The following CAVIN4 variants were observed in gnomAD, a reference collection of about 807,000 sequenced individuals.
The protein encoded by CAVIN4 is caveolae-associated protein 4.
Under a neutral mutation model 18.6 loss-of-function variants are expected in CAVIN4, and 10 were observed. The ratio of observed to expected loss-of-function variants is 0.54; its 90% CI spans 0.33 to 0.91. The LOEUF (loss-of-function observed/expected upper bound fraction) is 0.91. Ranked by LOEUF, CAVIN4 falls within the 40% of genes least tolerant of loss-of-function variation. CAVIN4 has a pLI of 0.02. For synonymous variants in CAVIN4, 173 were observed against 164.8 expected, an observed-to-expected ratio of 1.05 and a Z score of -0.38; for missense variants, 459 against 440.5, an observed-to-expected ratio of 1.04 and a Z score of -0.38.
chr9:100,579,218 G>A (rs1839403336), intron 1 of CAVIN4, among the ~76,000 whole-genome samples: 1 of 152,054 alleles, frequency 6.6e-6, no homozygotes, highest in African/African-American at 2.4e-5. Context: ...TTTGTGTGTG[G>A]CATTGTGTAT....
chr9:100,579,637 T>C (rs1337478166), intron 1 of CAVIN4, among the ~76,000 whole-genome samples: 2 of 152,230 alleles, frequency 1.3e-5, no homozygotes, highest in Non-Finnish European at 2.9e-5. Flanking sequence ...GAATTTGTTC[T>C]ATGCATAAAA....
intron 1 of CAVIN4, among the ~76,000 whole-genome samples, chr9:100,581,678 G>A (rs1839428934): frequency 1.3e-5 from 2 of 152,108 alleles, no homozygotes; most frequent in South Asian, 4.1e-4. Flanking sequence ...ATTATTTGTT[G>A]TGTACTTAAA....
chr9:100,588,220 T>C lies in CAVIN4; in HGVS notation c.*1769T>C, dbSNP rs948416714. 1.3e-5 allele frequency among the ~76,000 whole-genome samples: 2 copies of C among 152,260 alleles called. No homozygotes were observed. The highest frequency in any genetic ancestry group is 2.9e-5 in the Non-Finnish European group (2 of 68,054). On this transcript the variant is annotated 3_prime_UTR_variant, in exon 2 of 2. Transcript: ENST00000307584. ...CACCTTGCATGAATACATGAAATCATAATATCGTTCATGTTGTTACCTTTT... is the reference window on the plus strand; with the variant it reads ...CACCTTGCATGAATACATGAAATCACAATATCGTTCATGTTGTTACCTTTT...
chr9:100,583,406 G>C (rs926713781), intron 1 of CAVIN4, among the ~76,000 whole-genome samples: 4 of 152,096 alleles, frequency 2.6e-5, no homozygotes, highest in Non-Finnish European at 4.4e-5. Flanking sequence ...AAATCTAGTG[G>C]CAAATCTTGT....
At chr9:100,582,622 T>G (rs975085292) in intron 1 of CAVIN4, among the ~76,000 whole-genome samples, 2 of 152,144 alleles carry the variant, frequency 1.3e-5, no homozygotes, top group Non-Finnish European at 2.9e-5. Context: ...CATGAGCCAC[T>G]GCACCCAGCC....
rs1217900347 is a variant in CAVIN4, at chr9:100,578,358, T to C, written c.215T>C (p.Leu72Pro). Residue 72 changes from leucine to proline, a missense_variant, in exon 1 of 2, where the codon CTG (leucine) becomes CCG (proline). By Grantham distance (98) the Leu-to-Pro change is moderately conservative. Coordinates refer to ENST00000307584, the MANE Select transcript of CAVIN4 (RefSeq NM_001018116.2). ...ENAIKSVQIDLLKLSQSHSNT... is the reference protein window; with the variant it reads ...ENAIKSVQIDPLKLSQSHSNT... ...GCCATAAAATCCGTCCAGATTGACC[T>C]GTTGAAGCTTTCACAGTCGCATAGC... 1.2e-6 allele frequency: 2 copies of C among 1,614,124 alleles called. No homozygotes were observed. The highest frequency in any genetic ancestry group is 1.1e-5 in the South Asian group (1 of 91,080).
At chr9:100,582,721 T>G (rs79997284) in intron 1 of CAVIN4, among the ~76,000 whole-genome samples, 11,401 of 152,248 alleles carry the variant, frequency 0.075, 505 homozygotes, top group South Asian at 0.14. Context: ...GGCTGATATC[T>G]GTCCTTTTTT....
upstream of CAVIN4, chr9:100,577,692 AT>A (rs1456670458): frequency 6.5e-6 from 1 of 153,986 alleles, no homozygotes; most frequent in Non-Finnish European, 1.4e-5. Flanking sequence ...GTGTTTCAGT[AT>A]ATTTAATATG....
chr9:100,583,052 A>T (rs929867751), intron 1 of CAVIN4, among the ~76,000 whole-genome samples: 2 of 152,204 alleles, frequency 1.3e-5, no homozygotes, highest in Non-Finnish European at 1.5e-5. Flanking sequence ...GTGCCAAGGA[A>T]TTCTGAGTAA....
chr9:100,578,552 G>T lies in CAVIN4; in HGVS notation c.408+1G>T, dbSNP rs200457015. On this transcript the variant is annotated splice_donor_variant, in intron 1 of 1. Coordinates refer to ENST00000307584, the MANE Select transcript of CAVIN4 (RefSeq NM_001018116.2). LOFTEE classifies it high-confidence loss of function. Reference sequence around the variant, plus strand: ...CAAATTCCGCGTGGTAATATTCCAGGTAAGCTTGCACTTGTGTTCAGCTTG... The same window carrying T: ...CAAATTCCGCGTGGTAATATTCCAGTTAAGCTTGCACTTGTGTTCAGCTTG... 76 of 1,612,646 alleles carry T rather than the reference G, an allele frequency of 4.7e-5. No individual in the cohort carries two copies. Among genetic ancestry groups the T allele is most frequent in the Non-Finnish European group, 6.2e-5 (73 of 1,179,862 alleles).
At position 100,586,622 on chromosome 9, in the gene CAVIN4, G is replaced by A. The variant is rs987108974; in HGVS notation, c.*171G>A. The A allele has an allele frequency of 1.7e-5, 8 of 484,560 alleles. No individual in the cohort carries two copies. Among genetic ancestry groups the A allele is most frequent in the African/African-American group, 1.6e-4 (8 of 50,188 alleles). 30.0% of individuals were successfully genotyped at this position (484,560 alleles called of 1,614,324 possible). On this transcript the variant is annotated 3_prime_UTR_variant, in exon 2 of 2. Coordinates refer to ENST00000307584, the MANE Select transcript of CAVIN4 (RefSeq NM_001018116.2). Reference sequence around the variant, plus strand: ...ATTATTATCACTCTTTCTCATGGCAGCTGTGGATTTTTTAGTTCCTTTCTC... The same window carrying A: ...ATTATTATCACTCTTTCTCATGGCAACTGTGGATTTTTTAGTTCCTTTCTC...
upstream of CAVIN4, chr9:100,578,014 C>G: frequency 3.7e-6 from 3 of 812,054 alleles, no homozygotes; most frequent in South Asian, 3.2e-5. Flanking sequence ...GTTATAAATA[C>G]TTGACCGTTC....
chr9:100,586,407 G>A lies in CAVIN4; in HGVS notation c.1051G>A (p.Glu351Lys), dbSNP rs768357648. Residue 351 changes from glutamate (E) to lysine (K), a missense_variant, in exon 2 of 2, where the codon GAG (glutamate) becomes AAG (lysine). Coordinates refer to ENST00000307584, the MANE Select transcript of CAVIN4 (RefSeq NM_001018116.2). ...TACTTTTAAATCTCAGGTGAAAGTA[G>A]AGGATGATGAATCTCTTTTGTTAGA... is the stretch of plus-strand genomic sequence containing the variant. ...KVTFKSQVKV[E>K]DDESLLLDLK... The A allele has an allele frequency of 2.5e-6, 4 of 1,614,056 alleles. No individual in the cohort carries two copies. The South Asian group carries it at 3.3e-5, about 13-fold the overall frequency.
In CAVIN4 at chr9:100,586,501, A is replaced by G. The variant is rs901566413; in HGVS notation, c.*50A>G. The stretch of plus-strand genomic sequence containing the variant: ...ATGAATCTCCTAATCATGCAGTTTT[A>G]GTTTGAATAGTGTAGTCGTCTACAT... On this transcript the variant is annotated 3_prime_UTR_variant, in exon 2 of 2. Coordinates refer to ENST00000307584, the MANE Select transcript of CAVIN4 (RefSeq NM_001018116.2). The G allele has an allele frequency of 6.9e-7, 1 of 1,456,734 alleles. No homozygotes were observed. Among genetic ancestry groups the G allele is most frequent in the African/African-American group, 1.4e-5 (1 of 72,032 alleles). 90.2% of individuals were successfully genotyped at this position (1,456,734 alleles called of 1,614,324 possible). A position where few individuals can be genotyped will look rare whatever the true frequency, so the allele number is the denominator to read the frequency against.
chr9:100,588,234 T>C lies in CAVIN4; in HGVS notation c.*1783T>C, dbSNP rs190684386. 3.8e-4 allele frequency among the ~76,000 whole-genome samples: 58 copies of C among 152,366 alleles called. No homozygotes were observed. The highest frequency in any genetic ancestry group is 1.3e-3 in the African/African-American group (56 of 41,584). On this transcript the variant is annotated 3_prime_UTR_variant, in exon 2 of 2. Transcript: ENST00000307584. ...ACATGAAATCATAATATCGTTCATG[T>C]TGTTACCTTTTTATATTGAAAACTA...
chr9:100,587,381 T>C lies in CAVIN4; in HGVS notation c.*930T>C, dbSNP rs1288489430. The C allele has an allele frequency of 1.3e-5, 2 of 152,194 alleles. No individual in the cohort carries two copies. Among genetic ancestry groups the C allele is most frequent in the African/African-American group, 4.8e-5 (2 of 41,436 alleles). The allele number at this position is 152,194 out of a possible 1,614,324, so 9.4% of individuals were successfully genotyped here. On this transcript the variant is annotated 3_prime_UTR_variant, in exon 2 of 2. Transcript: ENST00000307584. The stretch of plus-strand genomic sequence containing the variant: ...GTTTAAGCAGTATGAGGCATAAAAT[T>C]GTGACTATGTTTCTAAAGTCGGCCC...
chr9:100,585,893 T>C lies in CAVIN4; in HGVS notation c.537T>C (p.Val179=). 6.2e-7 allele frequency: 1 copy of C among 1,614,080 alleles called. No homozygotes were observed. The highest frequency in any genetic ancestry group is 8.5e-7 in the Non-Finnish European group (1 of 1,180,018). The part of the protein sequence containing the change: ...VDLSSDEEYY[V]EESRSARLRK... ...TGTCTTCGGATGAAGAATATTATGT[T>C]GAAGAAAGCAGATCTGCCAGGCTTA... The change falls in exon 2 of 2, where the codon GTT becomes GTC. Residue 179 remains valine, a synonymous_variant. Coordinates refer to ENST00000307584, the MANE Select transcript of CAVIN4 (RefSeq NM_001018116.2).
intron 1 of CAVIN4, among the ~76,000 whole-genome samples, chr9:100,580,025 GTTCT>G (rs1466051128): frequency 1.3e-5 from 2 of 151,104 alleles, no homozygotes; most frequent in African/African-American, 2.4e-5. Context: ...GCTATTTGAA[GTTCT>G]TTATCATTTC....
chr9:100,583,265 C>T (rs1839445847), intron 1 of CAVIN4, among the ~76,000 whole-genome samples: 1 of 152,188 alleles, frequency 6.6e-6, no homozygotes, highest in African/African-American at 2.4e-5. Context: ...ACAGCGTGTT[C>T]AGATCCCATC....
Sources: allele counts gnomAD v4.1 joint callset (sites outside exome capture counted in the v4.1 genomes callset), GRCh38; gene constraint gnomAD v4.1.1; transcripts MANE v1.5; gene names NCBI Gene and HGNC (gene_info 2026-07-23, HGNC 2026-07-21).